Variants in CENPK observed in about 807,000 individuals in gnomAD.
CENPK encodes the protein SoxLZ/Sox6-binding protein Solt.
In CENPK, 46 loss-of-function variants were observed where a neutral mutation model predicts 40.9. The ratio of observed to expected loss-of-function variants is 1.13; its 90% confidence interval spans 0.89 to 1.44. The LOEUF is 1.44. Ranked by LOEUF, CENPK falls within the 40% of genes most tolerant of loss-of-function variation. CENPK has a pLI of 0.00. For synonymous variants in CENPK, 107 were observed against 104.4 expected, an observed-to-expected ratio of 1.02 and a Z score of -0.15; for missense variants, 288 against 303.5, an observed-to-expected ratio of 0.95 and a Z score of 0.38.
intron 5 of CENPK, among the ~76,000 whole-genome samples, chr5:65,549,626 C>T (rs549059858): frequency 2.5e-4 from 38 of 152,320 alleles, no homozygotes; most frequent in South Asian, 2.5e-3. Context: ...CTTGCTGCTT[C>T]CCCTTGCATT....
At chr5:65,497,337 C>A in the CENPK span, among the ~76,000 whole-genome samples, 1 of 152,092 alleles carries the variant, frequency 6.6e-6, no homozygotes, top group South Asian at 2.1e-4. Flanking sequence ...CCACTGCACT[C>A]CAGCCTAAGC....
chr5:65,548,297 T>C lies in CENPK; in HGVS notation c.241+3267A>G, dbSNP rs191057431. Among the ~76,000 whole-genome samples, 144 of 152,328 alleles carry C rather than the reference T, an allele frequency of 9.5e-4. 1 individual carries two copies. Among genetic ancestry groups the C allele is most frequent in the African/African-American group, 3.4e-3 (142 of 41,570 alleles). The stretch of plus-strand genomic sequence containing the variant: ...TGTATTAGCATTATTTCTAAAAATG[T>C]ACATACCTTATTTTAAAAAAAACCT... On this transcript the variant is annotated intron_variant, in intron 5 of 10. Coordinates refer to ENST00000396679, the MANE Select transcript of CENPK (RefSeq NM_022145.5).
chr5:65,504,694 T>G, the CENPK span, among the ~76,000 whole-genome samples: 14 of 152,256 alleles, frequency 9.2e-5, no homozygotes, highest in East Asian at 1.9e-3. Flanking sequence ...GACTAGAGAG[T>G]TGCTCTGAAG....
At chr5:65,529,273 C>T in intron 6 of CENPK, 74 bp from the exon 7 acceptor site, 2 of 993,272 alleles carry the variant, frequency 2.0e-6, no homozygotes, top group South Asian at 3.0e-5. Flanking sequence ...GTCAAATTTA[C>T]ACAGTGGTCC....
intron 6 of CENPK, among the ~76,000 whole-genome samples, chr5:65,538,412 T>A (rs1747348727): frequency 6.6e-6 from 1 of 152,200 alleles, no homozygotes. Flanking sequence ...GGGGACTCCA[T>A]ATATTATTAC....
rs1004353263 is a variant in CENPK at position 65,563,117 on chromosome 5, C to G, written c.-161G>C. 1 of 636,800 alleles carries G rather than the reference C, an allele frequency of 1.6e-6. No homozygotes were observed. Among genetic ancestry groups the G allele is most frequent in the African/African-American group, 1.8e-5 (1 of 54,190 alleles). The allele number at this position is 636,800 out of a possible 1,614,324, so 39.4% of individuals were successfully genotyped here. A position where few individuals can be genotyped will look rare whatever the true frequency, so the allele number is the denominator to read the frequency against. On this transcript the variant is annotated 5_prime_UTR_variant, in exon 1 of 11. Transcript: ENST00000396679. ...TCTTACCATCACAGCGTCACAAACT[C>G]CAGGTCGCCTAGGCGCTGCGCAGGA...
intron 9 of CENPK, among the ~76,000 whole-genome samples, chr5:65,521,887 C>A (rs1218643316): frequency 1.3e-5 from 2 of 152,170 alleles, no homozygotes; most frequent in Non-Finnish European, 2.9e-5. Context: ...CAGGAGTGAG[C>A]CACCGCGTTT....
intron 5 of CENPK, among the ~76,000 whole-genome samples, chr5:65,543,419 C>T (rs1365789147): frequency 6.6e-6 from 1 of 152,134 alleles, no homozygotes; most frequent in Non-Finnish European, 1.5e-5. Flanking sequence ...CAAATACTTT[C>T]CCTGTAGTCA....
chr5:65,548,693 T>C (rs542681166), intron 5 of CENPK, among the ~76,000 whole-genome samples: 2 of 152,296 alleles, frequency 1.3e-5, no homozygotes, highest in South Asian at 2.1e-4. Context: ...GCATCTTCAC[T>C]GGGAGTAGAT....
chr5:65,559,944 T>C (rs1041817702), intron 2 of CENPK, among the ~76,000 whole-genome samples: 2 of 151,958 alleles, frequency 1.3e-5, no homozygotes, highest in East Asian at 3.9e-4. Flanking sequence ...TAAATCTTCC[T>C]CATTTTTTTT....
chr5:65,504,313 G>A, the CENPK span, among the ~76,000 whole-genome samples: 6 of 151,670 alleles, frequency 4.0e-5, no homozygotes, highest in East Asian at 1.9e-4. Flanking sequence ...AAAATTAGCC[G>A]GACTTGGTGG....
At chr5:65,508,066 C>T in the CENPK span, among the ~76,000 whole-genome samples, 2 of 152,126 alleles carry the variant, frequency 1.3e-5, no homozygotes, top group Non-Finnish European at 2.9e-5. Flanking sequence ...CATCTGATTA[C>T]CTGTGATATT....
chr5:65,533,629 T>C (rs977222518), intron 6 of CENPK, among the ~76,000 whole-genome samples: 2 of 152,152 alleles, frequency 1.3e-5, no homozygotes, highest in African/African-American at 2.4e-5. Context: ...GGAAAAGATA[T>C]GTAAAACTGT....
chr5:65,545,711 G>A (rs1174608078), intron 5 of CENPK, among the ~76,000 whole-genome samples: 1 of 152,132 alleles, frequency 6.6e-6, no homozygotes, highest in African/African-American at 2.4e-5. Flanking sequence ...AAATCCTACA[G>A]TCACAAGGAA....
the CENPK span, among the ~76,000 whole-genome samples, chr5:65,499,649 A>C: frequency 9.1e-5 from 7 of 76,754 alleles, no homozygotes; most frequent in Non-Finnish European, 1.6e-4. Context: ...AAAATATTAG[A>C]TCTTTTTTTT....
In CENPK at chr5:65,527,724, T is replaced by C. The variant is rs190174562; in HGVS notation, c.597+728A>G. Among the ~76,000 whole-genome samples the C allele has an allele frequency of 2.4e-3, 358 of 151,706 alleles. 2 individuals carry two copies. The highest frequency in any genetic ancestry group is 8.3e-3 in the African/African-American group (342 of 41,388). On this transcript the variant is annotated intron_variant, in intron 9 of 10. Coordinates refer to ENST00000396679, the MANE Select transcript of CENPK (RefSeq NM_022145.5). ...AGTTGTACATACTCATCACAGAAAA[T>C]TGAAAAAATTGTGAAAAGCAAAAAA...
At chr5:65,495,912 G>A in the CENPK span, among the ~76,000 whole-genome samples, 1 of 152,180 alleles carries the variant, frequency 6.6e-6, no homozygotes, top group African/African-American at 2.4e-5. Flanking sequence ...ACTGCTGGTG[G>A]TGGTATAAAT....
At chr5:65,512,189 T>TGTA in the CENPK span, among the ~76,000 whole-genome samples, 3 of 152,184 alleles carry the variant, frequency 2.0e-5, no homozygotes, top group Non-Finnish European at 4.4e-5. Context: ...AAAAAATGGT[T>TGTA]TCTTGAGATG....
chr5:65,554,149 T>A (rs1264782485), intron 3 of CENPK, among the ~76,000 whole-genome samples: 1 of 152,030 alleles, frequency 6.6e-6, no homozygotes, highest in Non-Finnish European at 1.5e-5. Flanking sequence ...ATTATTTTTT[T>A]TTTTTTTTGA....
Sources: allele counts gnomAD v4.1 joint callset (sites outside exome capture counted in the v4.1 genomes callset), GRCh38; gene constraint gnomAD v4.1.1; transcripts MANE v1.5; gene names NCBI Gene and HGNC (gene_info 2026-07-23, HGNC 2026-07-21).